Variants in LIN7A observed in about 807,000 individuals in gnomAD.
The protein encoded by LIN7A is lin-7 cell polarity scaffold A, also known as protein lin-7 homolog A.
In LIN7A, 25 loss-of-function variants were observed where a neutral mutation model predicts 29.8. That is an observed-to-expected ratio of 0.84 (90% CI 0.61 to 1.17). The LOEUF is 1.17. Ranked by LOEUF, LIN7A falls within the 50% of genes most tolerant of loss-of-function variation. LIN7A has a pLI of 0.00. For synonymous variants in LIN7A, 118 were observed against 107.5 expected, an observed-to-expected ratio of 1.10 and a Z score of -0.60; for missense variants, 239 against 287.0, an observed-to-expected ratio of 0.83 and a Z score of 1.21.
At chr12:80,894,927 G>T (rs1875807819) in intron 1 of LIN7A, among the ~76,000 whole-genome samples, 1 of 152,146 alleles carries the variant, frequency 6.6e-6, no homozygotes, top group Admixed American at 6.6e-5. Context: ...CTGGCCCAAA[G>T]CTATACACCT....
chr12:80,876,824 A>C (rs1253597493), intron 2 of LIN7A, among the ~76,000 whole-genome samples: 2 of 152,182 alleles, frequency 1.3e-5, no homozygotes, highest in Non-Finnish European at 2.9e-5. Flanking sequence ...ATAGTCTCTT[A>C]AAGTTGAATA....
Position 80,793,859 on chromosome 12 carries a change from T to G in LIN7A, c.*3868A>C, listed in dbSNP as rs1483888606. 2 of 152,144 alleles carry G rather than the reference T, an allele frequency of 1.3e-5. No individual in the cohort carries two copies. The highest frequency in any genetic ancestry group is 1.5e-5 in the Non-Finnish European group (1 of 67,998). The allele number at this position is 152,144 out of a possible 1,614,324, so 9.4% of individuals were successfully genotyped here. On this transcript the variant is annotated 3_prime_UTR_variant, in exon 6 of 6. Coordinates refer to ENST00000552864, the MANE Select transcript of LIN7A (RefSeq NM_004664.4). ...AAAATGAAAATATCTTTTATAAAAT[T>G]TAAAAATGGGGTTTTATGTTTGAAT...
At chr12:80,859,140 C>A (rs556021108) in intron 2 of LIN7A, among the ~76,000 whole-genome samples, 172 of 152,124 alleles carry the variant, frequency 1.1e-3, no homozygotes, top group Admixed American at 2.6e-3. Context: ...AAGTGTGTTC[C>A]ATATAATATT....
chr12:80,912,729 A>AG (rs1491464273), intron 1 of LIN7A, among the ~76,000 whole-genome samples: 4 of 134,446 alleles, frequency 3.0e-5, no homozygotes, highest in African/African-American at 1.1e-4. Flanking sequence ...AAAAAAAAAA[A>AG]GAAAAGAAAA....
At chr12:80,806,705 G>A (rs975654605) in intron 5 of LIN7A, among the ~76,000 whole-genome samples, 3 of 152,198 alleles carry the variant, frequency 2.0e-5, no homozygotes, top group African/African-American at 7.2e-5. Context: ...ACTTTTCTCA[G>A]AAGCAACTGT....
At chr12:80,877,041 G>T (rs1874742603) in intron 2 of LIN7A, among the ~76,000 whole-genome samples, 1 of 148,012 alleles carries the variant, frequency 6.8e-6, no homozygotes, top group Non-Finnish European at 1.5e-5. Context: ...AGAATTACTT[G>T]AGCCCAGGAG....
intron 2 of LIN7A, among the ~76,000 whole-genome samples, chr12:80,859,754 A>G (rs2078285): frequency 0.34 from 52,273 of 152,050 alleles, 10,578 homozygotes; most frequent in African/African-American, 0.57. Context: ...CCTATACACT[A>G]TAGAAAATAT....
In LIN7A at chr12:80,792,774, C is replaced by G. The variant is rs1456135704; in HGVS notation, c.*4953G>C. On this transcript the variant is annotated 3_prime_UTR_variant, in exon 6 of 6. Transcript: ENST00000552864. ...ATTTTGTTTCTTTCAGTTTTTGTAG[C>G]ACCAAATAGACACAGCGGCTAACAA... The G allele has an allele frequency of 6.6e-6, 1 of 152,034 alleles. No individual in the cohort carries two copies. The highest frequency in any genetic ancestry group is 2.1e-4 in the South Asian group (1 of 4,828). 9.4% of individuals were successfully genotyped at this position (152,034 alleles called of 1,614,324 possible). A position where few individuals can be genotyped will look rare whatever the true frequency, so the allele number is the denominator to read the frequency against.
intron 2 of LIN7A, chr12:80,860,850 C>T (rs1354098395): frequency 6.6e-6 from 1 of 152,204 alleles, no homozygotes; most frequent in Non-Finnish European, 1.5e-5. Context: ...AAAATGCTAT[C>T]TTTGCATTAA....
chr12:80,845,988 T>G, intron 3 of LIN7A, 49 bp from the exon 4 acceptor site: 1,231 of 1,276,992 alleles, frequency 9.6e-4, no homozygotes, highest in Non-Finnish European at 1.2e-3. Context: ...ATGAGGGAAA[T>G]AAAGGCTAAT....
chr12:80,841,470 C>T (rs937144178), intron 4 of LIN7A, among the ~76,000 whole-genome samples: 1 of 151,984 alleles, frequency 6.6e-6, no homozygotes, highest in Admixed American at 6.6e-5. Context: ...GTGTTCTATA[C>T]AAGATATTTA....
intron 5 of LIN7A, among the ~76,000 whole-genome samples, chr12:80,806,059 C>T (rs922593903): frequency 2.6e-5 from 4 of 151,554 alleles, no homozygotes; most frequent in Admixed American, 6.6e-5. Context: ...GCCTGGGTGA[C>T]AGAGAGAGAC....
At chr12:80,837,965 A>G (rs1872657067) in intron 4 of LIN7A, among the ~76,000 whole-genome samples, 1 of 152,070 alleles carries the variant, frequency 6.6e-6, no homozygotes, top group Non-Finnish European at 1.5e-5. Context: ...TAATTTCTCT[A>G]CAAATAATTG....
At chr12:80,868,872 G>A (rs181512482) in intron 2 of LIN7A, among the ~76,000 whole-genome samples, 1 of 152,082 alleles carries the variant, frequency 6.6e-6, no homozygotes, top group African/African-American at 2.4e-5. Flanking sequence ...CTACTCTCAG[G>A]TAGGTAGCAA....
At chr12:80,923,400 C>T (rs1381944167) in intron 1 of LIN7A, among the ~76,000 whole-genome samples, 1 of 152,062 alleles carries the variant, frequency 6.6e-6, no homozygotes, top group East Asian at 1.9e-4. Flanking sequence ...ATATCTTGCT[C>T]TGTGTCTCTG....
At chr12:80,836,128 A>C (rs1291115882) in intron 4 of LIN7A, among the ~76,000 whole-genome samples, 1 of 152,220 alleles carries the variant, frequency 6.6e-6, no homozygotes, top group Non-Finnish European at 1.5e-5. Flanking sequence ...GAGTAAAATG[A>C]AAACTTTTGG....
intron 4 of LIN7A, among the ~76,000 whole-genome samples, chr12:80,823,353 C>T (rs1023936093): frequency 1.3e-5 from 2 of 152,320 alleles, no homozygotes; most frequent in African/African-American, 4.8e-5. Flanking sequence ...TGGGGCTTTG[C>T]AGTTCCTGGC....
intron 2 of LIN7A, among the ~76,000 whole-genome samples, chr12:80,884,015 A>G (rs77006770): frequency 0.023 from 3,500 of 152,304 alleles, 121 homozygotes; most frequent in African/African-American, 0.08. Context: ...CTTTAAGTTC[A>G]TAAGACAAAA....
At chr12:80,860,606 AG>A (rs1211418689) in intron 2 of LIN7A, among the ~76,000 whole-genome samples, 6 of 152,188 alleles carry the variant, frequency 3.9e-5, no homozygotes, top group Non-Finnish European at 8.8e-5. Context: ...TCAGCCTCTC[AG>A]TAATGCTGGC....
Sources: allele counts gnomAD v4.1 joint callset (sites outside exome capture counted in the v4.1 genomes callset), GRCh38; gene constraint gnomAD v4.1.1; transcripts MANE v1.5; gene names NCBI Gene and HGNC (gene_info 2026-07-23, HGNC 2026-07-21).